PDGFD: variants seen among roughly 807,000 people sequenced by gnomAD.
The protein encoded by PDGFD is platelet derived growth factor D.
Under a neutral mutation model 44.7 loss-of-function variants are expected in PDGFD, and 30 were observed. The observed-to-expected ratio is 0.67, with a 90% CI of 0.50 to 0.91. The LOEUF is 0.91. PDGFD is among the 40% of genes least tolerant of loss of function. The probability of loss-of-function intolerance (pLI) is 0.00; values close to 1 mark genes in which losing one functional copy is unlikely to be tolerated. For synonymous variants in PDGFD, 173 were observed against 168.4 expected (o/e 1.03, Z -0.21); for missense variants, 445 against 457.8 (o/e 0.97, Z 0.25).
At chr11:104,093,363 T>C (rs989379301) in intron 1 of PDGFD, among the ~76,000 whole-genome samples, 19 of 152,016 alleles carry the variant, frequency 1.2e-4, no homozygotes, top group Admixed American at 1.2e-3. Flanking sequence ...GAGTGCTCTG[T>C]CTCTATTGAA....
intron 6 of PDGFD, among the ~76,000 whole-genome samples, chr11:103,917,837 T>C (rs1169456017): frequency 1.3e-5 from 2 of 152,162 alleles, no homozygotes; most frequent in East Asian, 1.9e-4. Flanking sequence ...TGGCTCCCCA[T>C]GTGAACCGGC....
At chr11:103,932,138 G>C (rs761581831) in intron 5 of PDGFD, among the ~76,000 whole-genome samples, 3 of 151,052 alleles carry the variant, frequency 2.0e-5, no homozygotes, top group Non-Finnish European at 4.4e-5. Flanking sequence ...CATAGACCTT[G>C]TTTTGTTTTC....
At chr11:103,916,756 C>G (rs1471715646) in intron 6 of PDGFD, among the ~76,000 whole-genome samples, 1 of 152,106 alleles carries the variant, frequency 6.6e-6, no homozygotes, top group African/African-American at 2.4e-5. Flanking sequence ...TACTATGCAG[C>G]CATAAAAAGG....
chr11:104,099,200 C>T (rs1479077024), intron 1 of PDGFD, among the ~76,000 whole-genome samples: 2 of 152,130 alleles, frequency 1.3e-5, no homozygotes, highest in African/African-American at 4.8e-5. Flanking sequence ...GCAGTCTTGA[C>T]AGTAGGAAGG....
chr11:104,104,656 G>C (rs569662614), intron 1 of PDGFD, among the ~76,000 whole-genome samples: 1 of 152,062 alleles, frequency 6.6e-6, no homozygotes, highest in South Asian at 2.1e-4. Context: ...CACCATCTAA[G>C]TTTGTGTGAG....
At chr11:104,031,911 C>G (rs1048479658) in intron 1 of PDGFD, among the ~76,000 whole-genome samples, 2 of 152,158 alleles carry the variant, frequency 1.3e-5, no homozygotes, top group African/African-American at 4.8e-5. Flanking sequence ...CCAAACGTCT[C>G]ATGTTCTCAT....
chr11:103,973,226 C>A (rs1480649417), intron 3 of PDGFD, among the ~76,000 whole-genome samples: 2 of 151,262 alleles, frequency 1.3e-5, no homozygotes, highest in Non-Finnish European at 2.9e-5. Context: ...GCAAGCTCCA[C>A]CTCCCGGGTT....
intron 1 of PDGFD, among the ~76,000 whole-genome samples, chr11:104,137,704 A>G (rs916868757): frequency 3.3e-5 from 4 of 122,090 alleles, no homozygotes; most frequent in Non-Finnish European, 5.2e-5. Context: ...ATCTAAAATT[A>G]TTCTATAGTG....
chr11:104,020,910 T>C (rs1859940179), intron 1 of PDGFD, among the ~76,000 whole-genome samples: 1 of 152,178 alleles, frequency 6.6e-6, no homozygotes, highest in African/African-American at 2.4e-5. Context: ...TACATTTTTC[T>C]AGACAAGCTC....
At chr11:104,161,962 T>A (rs1180184299) in intron 1 of PDGFD, among the ~76,000 whole-genome samples, 1 of 151,814 alleles carries the variant, frequency 6.6e-6, no homozygotes, top group Non-Finnish European at 1.5e-5. Flanking sequence ...TGTGTGTGTG[T>A]GTGTGTGTGT....
intron 1 of PDGFD, among the ~76,000 whole-genome samples, chr11:104,090,966 T>C (rs1489061702): frequency 2.0e-5 from 3 of 152,184 alleles, no homozygotes; most frequent in African/African-American, 7.2e-5. Flanking sequence ...CAACTTGGCC[T>C]GCAAACTCGT....
rs936244592 is a variant in PDGFD at position 104,115,063 on chromosome 11, C to T, written c.124+48741G>A. Among the ~76,000 whole-genome samples the T allele has an allele frequency of 2.0e-5, 3 of 151,684 alleles. No homozygotes were observed. The South Asian group carries it at 6.2e-4, about 32-fold the overall frequency. On this transcript the variant is annotated intron_variant, in intron 1 of 6. Coordinates refer to ENST00000393158, the MANE Select transcript of PDGFD (RefSeq NM_025208.5). ...CCACACCCCCTCCCCACCCTCTTCC[C>T]TGAGACCCCAAAGTCCACTGTGTCA...
At chr11:104,141,087 G>A (rs1350689526) in intron 1 of PDGFD, among the ~76,000 whole-genome samples, 1 of 152,244 alleles carries the variant, frequency 6.6e-6, no homozygotes, top group Non-Finnish European at 1.5e-5. Context: ...GCTCACTGAT[G>A]ACAGGTCTCC....
chr11:103,949,030 T>C, intron 3 of PDGFD, among the ~76,000 whole-genome samples: 1 of 129,898 alleles, frequency 7.7e-6, no homozygotes. Flanking sequence ...TGAGACCGAG[T>C]CTCACTCTGT....
chr11:104,059,227 T>C (rs1445102241), intron 1 of PDGFD, among the ~76,000 whole-genome samples: 1 of 152,200 alleles, frequency 6.6e-6, no homozygotes, highest in Non-Finnish European at 1.5e-5. Context: ...TAAAATACTA[T>C]TTGTGTTTTT....
At chr11:104,138,900 T>C (rs1399975181) in intron 1 of PDGFD, among the ~76,000 whole-genome samples, 1 of 152,120 alleles carries the variant, frequency 6.6e-6, no homozygotes, top group African/African-American at 2.4e-5. Flanking sequence ...AAGATGGGAC[T>C]ACAGGCACAA....
intron 5 of PDGFD, among the ~76,000 whole-genome samples, chr11:103,938,531 T>C (rs1164293126): frequency 6.6e-6 from 1 of 152,206 alleles, no homozygotes; most frequent in African/African-American, 2.4e-5. Flanking sequence ...GGTAGTTTCT[T>C]TTGCTGTGCA....
At chr11:104,001,899 A>G (rs527644071) in intron 1 of PDGFD, among the ~76,000 whole-genome samples, 2 of 152,302 alleles carry the variant, frequency 1.3e-5, no homozygotes, top group East Asian at 1.9e-4. Flanking sequence ...GAAGTACAAA[A>G]GTCTCTTTTG....
chr11:104,058,429 T>A (rs147577850), intron 1 of PDGFD, among the ~76,000 whole-genome samples: 84 of 152,042 alleles, frequency 5.5e-4, no homozygotes, highest in African/African-American at 2.0e-3. Context: ...AAAAAGCAAA[T>A]CAAACCCATA....
Sources: allele counts gnomAD v4.1 joint callset (sites outside exome capture counted in the v4.1 genomes callset), GRCh38; gene constraint gnomAD v4.1.1; transcripts MANE v1.5; gene names NCBI Gene and HGNC (gene_info 2026-07-23, HGNC 2026-07-21).